CTDSPL2: variants seen among roughly 807,000 people sequenced by gnomAD.
CTDSPL2 encodes CTD small phosphatase like 2.
A neutral mutation model predicts 60.0 loss-of-function variants in CTDSPL2; 5 were observed. The observed-to-expected ratio is 0.08, with a 90% confidence interval of 0.04 to 0.18. CTDSPL2 has a LOEUF of 0.18. CTDSPL2 is among the 10% of genes least tolerant of loss of function. The probability of loss-of-function intolerance (pLI) is 1.00; values close to 1 mark genes in which losing one functional copy is unlikely to be tolerated. For synonymous variants in CTDSPL2, 186 were observed against 189.3 expected (o/e 0.98, Z 0.14); for missense variants, 370 against 548.8 (o/e 0.67, Z 3.26).
chr15:44,498,541 G>A (rs1033339215), intron 7 of CTDSPL2, among the ~76,000 whole-genome samples: 3 of 151,900 alleles, frequency 2.0e-5, no homozygotes, highest in African/African-American at 7.3e-5. Flanking sequence ...AGCTACAATT[G>A]TGCCACTGCA....
chr15:44,489,143 C>T (rs1502454), intron 4 of CTDSPL2, among the ~76,000 whole-genome samples: 8 of 149,506 alleles, frequency 5.4e-5, no homozygotes, highest in Non-Finnish European at 1.0e-4. Flanking sequence ...CCCCCTCCCC[C>T]CCACCTACCT....
At chr15:44,466,841 A>G (rs1168119776) in intron 2 of CTDSPL2, among the ~76,000 whole-genome samples, 1 of 151,902 alleles carries the variant, frequency 6.6e-6, no homozygotes, top group Non-Finnish European at 1.5e-5. Flanking sequence ...CAGGAGGCTG[A>G]GGCAGGAGAA....
At chr15:44,484,656 C>A (rs938951975) in intron 3 of CTDSPL2, among the ~76,000 whole-genome samples, 1 of 152,200 alleles carries the variant, frequency 6.6e-6, no homozygotes, top group Non-Finnish European at 1.5e-5. Context: ...TTGAGAATCG[C>A]TGGAACCCGG....
intron 8 of CTDSPL2, among the ~76,000 whole-genome samples, chr15:44,510,174 A>G (rs1321716440): frequency 6.6e-6 from 1 of 151,662 alleles, no homozygotes; most frequent in East Asian, 2.0e-4. Flanking sequence ...TTAGTAGTAT[A>G]TTTAGTAGAG....
intron 1 of CTDSPL2, among the ~76,000 whole-genome samples, chr15:44,443,755 A>C (rs2080141542): frequency 6.6e-6 from 1 of 151,892 alleles, no homozygotes; most frequent in African/African-American, 2.4e-5. Context: ...CACATTTTTG[A>C]ATCTGGTTGT....
intron 1 of CTDSPL2, chr15:44,448,936 C>T (rs1314514203): frequency 7.3e-6 from 3 of 412,900 alleles, no homozygotes; most frequent in Non-Finnish European, 1.4e-5. Context: ...AGTAACAGTG[C>T]CCAATCCATG....
chr15:44,482,643 C>G (rs999546870), intron 2 of CTDSPL2, among the ~76,000 whole-genome samples: 4 of 152,160 alleles, frequency 2.6e-5, no homozygotes, highest in Non-Finnish European at 5.9e-5. Flanking sequence ...GAGAATAGTA[C>G]ATGGTCAGAA....
At chr15:44,430,447 A>G (rs772455942) in intron 1 of CTDSPL2, among the ~76,000 whole-genome samples, 14 of 151,754 alleles carry the variant, frequency 9.2e-5, no homozygotes, top group Non-Finnish European at 1.5e-4. Flanking sequence ...GGGTCTCCCT[A>G]TGTTGCCCAG....
chr15:44,460,143 GCT>G (rs1163825990), intron 2 of CTDSPL2, among the ~76,000 whole-genome samples: 2 of 152,052 alleles, frequency 1.3e-5, no homozygotes, highest in Non-Finnish European at 2.9e-5. Flanking sequence ...ACAGAGTCTT[GCT>G]CTGTCTCCAG....
At chr15:44,468,659 A>G (rs887930856) in intron 2 of CTDSPL2, among the ~76,000 whole-genome samples, 27 of 152,208 alleles carry the variant, frequency 1.8e-4, no homozygotes, top group Admixed American at 1.7e-3. Context: ...TGTTGCAGCT[A>G]CTATTCAACT....
At chr15:44,459,697 C>A (rs149863670) in intron 2 of CTDSPL2, among the ~76,000 whole-genome samples, 24 of 152,260 alleles carry the variant, frequency 1.6e-4, no homozygotes, top group Admixed American at 4.6e-4. Flanking sequence ...ATCCACGTAG[C>A]CTTCTGCTTT....
rs536236148 is a variant in CTDSPL2 at position 44,515,931 on chromosome 15, C to CTCTT, written c.1112+1103_1112+1106dup. ...GTTGGTTCGTTCGTTCTTTCTCTCTCTCTTTCTTTCTTTCTTTCTCTCCTC... is the reference window on the plus strand; with the variant it reads ...GTTGGTTCGTTCGTTCTTTCTCTCTCTCTTTCTTTCTTTCTTTCTTTCTCTCCTC... On this transcript the variant is annotated intron_variant, in intron 10 of 12. Coordinates refer to ENST00000260327, the MANE Select transcript of CTDSPL2 (RefSeq NM_016396.3). Among the ~76,000 whole-genome samples, 142 of 150,674 alleles carry CTCTT rather than the reference C, an allele frequency of 9.4e-4. 2 individuals are homozygous for CTCTT. The South Asian group carries it at 0.013, about 14-fold the overall frequency.
At chr15:44,444,534 C>T (rs940198892) in intron 1 of CTDSPL2, among the ~76,000 whole-genome samples, 6 of 151,722 alleles carry the variant, frequency 4.0e-5, no homozygotes, top group Admixed American at 6.6e-5. Context: ...TTGGTAGAGA[C>T]GAAGTTTCAC....
At chr15:44,466,071 A>G (rs1158259864) in intron 2 of CTDSPL2, among the ~76,000 whole-genome samples, 1 of 151,752 alleles carries the variant, frequency 6.6e-6, no homozygotes, top group Non-Finnish European at 1.5e-5. Context: ...AGTAGATGGG[A>G]TTACAGGCAC....
At chr15:44,500,930 G>A (rs898202354) in intron 8 of CTDSPL2, among the ~76,000 whole-genome samples, 1 of 152,144 alleles carries the variant, frequency 6.6e-6, no homozygotes, top group East Asian at 1.9e-4. Context: ...TAGTCCTGAT[G>A]TATAATCGGG....
chr15:44,479,280 C>A (rs1443333665), intron 2 of CTDSPL2, among the ~76,000 whole-genome samples: 1 of 149,292 alleles, frequency 6.7e-6, no homozygotes, highest in African/African-American at 2.5e-5. Flanking sequence ...CTTTTGTTTA[C>A]TCTCTTGGGC....
intron 8 of CTDSPL2, 49 bp downstream of exon 8, chr15:44,499,862 A>AT (rs751867295): frequency 1.9e-6 from 2 of 1,059,136 alleles, no homozygotes; most frequent in South Asian, 1.3e-5. Flanking sequence ...TAACATTCTG[A>AT]TAAAAAAAAC....
intron 1 of CTDSPL2, among the ~76,000 whole-genome samples, chr15:44,429,518 T>C (rs2079814600): frequency 6.6e-6 from 1 of 152,222 alleles, no homozygotes; most frequent in African/African-American, 2.4e-5. Context: ...CTAAATTGTT[T>C]AGTACTACGT....
intron 8 of CTDSPL2, among the ~76,000 whole-genome samples, chr15:44,512,722 T>A (rs1191377455): frequency 6.6e-6 from 1 of 152,182 alleles, no homozygotes; most frequent in Non-Finnish European, 1.5e-5. Flanking sequence ...ACGATGGTGA[T>A]TGGATGCTGA....
Sources: allele counts gnomAD v4.1 joint callset (sites outside exome capture counted in the v4.1 genomes callset), GRCh38; gene constraint gnomAD v4.1.1; transcripts MANE v1.5; gene names NCBI Gene and HGNC (gene_info 2026-07-23, HGNC 2026-07-21).